HTR1F: variants seen among roughly 807,000 people sequenced by gnomAD.
The protein encoded by HTR1F is 5-hydroxytryptamine receptor 1F.
A neutral mutation model predicts 24.0 loss-of-function variants in HTR1F; 17 were observed. That is an observed-to-expected ratio of 0.71 (90% CI 0.48 to 1.06). The LOEUF is 1.06. Ranked by LOEUF, HTR1F falls within the 50% of genes least tolerant of loss-of-function variation. The pLI is 0.00. For synonymous variants in HTR1F, 186 were observed against 156.8 expected, an observed-to-expected ratio of 1.19 and a Z score of -1.39; for missense variants, 391 against 427.8, an observed-to-expected ratio of 0.91 and a Z score of 0.76.
At chr3:87,864,383 G>T (rs1360152547) in intron 2 of HTR1F, among the ~76,000 whole-genome samples, 1 of 152,120 alleles carries the variant, frequency 6.6e-6, no homozygotes, top group Non-Finnish European at 1.5e-5. Flanking sequence ...CCACATATGG[G>T]TTGTTCTGGT....
At chr3:87,936,275 TA>T (rs1704413340) in intron 2 of HTR1F, among the ~76,000 whole-genome samples, 1 of 152,212 alleles carries the variant, frequency 6.6e-6, no homozygotes, top group Admixed American at 6.5e-5. Context: ...GTGCATTCAG[TA>T]TGCTAAAATT....
At chr3:87,820,360 T>C (rs1326216614) in intron 1 of HTR1F, among the ~76,000 whole-genome samples, 1 of 151,618 alleles carries the variant, frequency 6.6e-6, no homozygotes, top group African/African-American at 2.4e-5. Context: ...GTATTTTTAG[T>C]AGAGACGGGG....
chr3:87,879,493 G>C (rs186485846), intron 2 of HTR1F, among the ~76,000 whole-genome samples: 1 of 152,114 alleles, frequency 6.6e-6, no homozygotes, highest in East Asian at 1.9e-4. Flanking sequence ...CATTAGCCAA[G>C]AATCTGCCCT....
intron 2 of HTR1F, among the ~76,000 whole-genome samples, chr3:87,934,715 C>T (rs569589338): frequency 3.3e-5 from 5 of 152,164 alleles, no homozygotes; most frequent in Non-Finnish European, 7.4e-5. Context: ...AGCAATCAAA[C>T]ATAAGACTGA....
chr3:87,944,419 T>G (rs1704645918), intron 2 of HTR1F, among the ~76,000 whole-genome samples: 1 of 152,182 alleles, frequency 6.6e-6, no homozygotes, highest in South Asian at 2.1e-4. Flanking sequence ...TATTAAGCAA[T>G]TTTTCTAACT....
intron 2 of HTR1F, among the ~76,000 whole-genome samples, chr3:87,878,531 T>C (rs903198418): frequency 3.0e-4 from 45 of 152,288 alleles, no homozygotes; most frequent in African/African-American, 1.1e-3. Context: ...AATTGTAGGA[T>C]GAGGCAGAGG....
intron 2 of HTR1F, among the ~76,000 whole-genome samples, chr3:87,927,718 A>G (rs537019187): frequency 2.0e-5 from 3 of 152,282 alleles, no homozygotes; most frequent in Non-Finnish European, 2.9e-5. Context: ...AAATTATTGC[A>G]TTTATTTATT....
At chr3:87,921,569 C>A (rs1180683271) in intron 2 of HTR1F, among the ~76,000 whole-genome samples, 2 of 151,826 alleles carry the variant, frequency 1.3e-5, no homozygotes, top group East Asian at 1.9e-4. Flanking sequence ...ATTATCATTT[C>A]TTTTTGTTGT....
At chr3:87,811,641 A>G (rs1282978165) in intron 1 of HTR1F, among the ~76,000 whole-genome samples, 3 of 152,142 alleles carry the variant, frequency 2.0e-5, no homozygotes, top group African/African-American at 7.2e-5. Flanking sequence ...AGAAAGAGGA[A>G]AAGCCCTGAT....
At chr3:87,989,076 T>C (rs954801125) in intron 2 of HTR1F, among the ~76,000 whole-genome samples, 2 of 152,182 alleles carry the variant, frequency 1.3e-5, no homozygotes, top group Non-Finnish European at 2.9e-5. Flanking sequence ...GTCTCCATAT[T>C]GTCCTTTCCT....
At chr3:87,981,941 C>CTT (rs34393539) in intron 2 of HTR1F, among the ~76,000 whole-genome samples, 90 of 149,226 alleles carry the variant, frequency 6.0e-4, no homozygotes, top group Admixed American at 1.5e-3. Flanking sequence ...CTTCTTCTTT[C>CTT]TTTTTTTTTT....
At chr3:87,924,714 G>T (rs1704085014) in intron 2 of HTR1F, among the ~76,000 whole-genome samples, 1 of 152,034 alleles carries the variant, frequency 6.6e-6, no homozygotes, top group Admixed American at 6.6e-5. Context: ...GGTATGTATG[G>T]TTTCTGCTGA....
intron 2 of HTR1F, among the ~76,000 whole-genome samples, chr3:87,916,581 T>C (rs1378627843): frequency 1.3e-5 from 2 of 152,084 alleles, no homozygotes; most frequent in East Asian, 3.9e-4. Flanking sequence ...GCTATTCTTA[T>C]ATCAGACAAA....
chr3:87,916,309 G>GAAAAAAAAAA (rs34801984), intron 2 of HTR1F, among the ~76,000 whole-genome samples: 89 of 110,972 alleles, frequency 8.0e-4, no homozygotes, highest in Non-Finnish European at 1.1e-3. Flanking sequence ...AAGCAAAAAA[G>GAAAAAAAAAA]AAAAAAAAAA....
chr3:87,989,617 T>G (rs1478267107), intron 2 of HTR1F, among the ~76,000 whole-genome samples: 3 of 152,178 alleles, frequency 2.0e-5, no homozygotes, highest in Non-Finnish European at 2.9e-5. Context: ...AAAAGTTCCT[T>G]TAGTCTCCAT....
At chr3:87,948,109 C>A (rs1313555673) in intron 2 of HTR1F, among the ~76,000 whole-genome samples, 2 of 152,082 alleles carry the variant, frequency 1.3e-5, no homozygotes, top group African/African-American at 2.4e-5. Flanking sequence ...CTTATCCTAT[C>A]ATCATAGAAA....
At chr3:87,938,303 G>A (rs1244776415) in intron 2 of HTR1F, among the ~76,000 whole-genome samples, 1 of 152,084 alleles carries the variant, frequency 6.6e-6, no homozygotes, top group African/African-American at 2.4e-5. Context: ...ACAAACAAAT[G>A]GAAAAACATT....
intron 2 of HTR1F, among the ~76,000 whole-genome samples, chr3:87,933,652 A>G (rs1348772165): frequency 6.6e-6 from 1 of 152,230 alleles, no homozygotes; most frequent in Non-Finnish European, 1.5e-5. Context: ...TGCAAGGGAC[A>G]TGAAGGACCT....
intron 2 of HTR1F, among the ~76,000 whole-genome samples, chr3:87,980,892 G>C (rs1384485551): frequency 6.6e-6 from 1 of 152,212 alleles, no homozygotes; most frequent in Non-Finnish European, 1.5e-5. Flanking sequence ...CAGGCAGCAA[G>C]AGTAGGCACT....
Sources: allele counts gnomAD v4.1 joint callset (sites outside exome capture counted in the v4.1 genomes callset), GRCh38; gene constraint gnomAD v4.1.1; transcripts MANE v1.5; gene names NCBI Gene and HGNC (gene_info 2026-07-23, HGNC 2026-07-21).